Variants in NEGR1 observed in about 807,000 individuals in gnomAD.
NEGR1 encodes the protein IgLON family member 4.
A neutral mutation model predicts 40.9 loss-of-function variants in NEGR1; 10 were observed. The observed-to-expected ratio is 0.24, with a 90% CI of 0.15 to 0.42. NEGR1 has a LOEUF of 0.42. Among genes scored for constraint, NEGR1 ranks in the 10% least tolerant of loss-of-function variants. The probability of loss-of-function intolerance (pLI) is 1.00; values close to 1 mark genes in which losing one functional copy is unlikely to be tolerated. For missense variants in NEGR1, 352 were observed against 438.9 expected (o/e 0.80, Z 1.77); for synonymous variants, 185 against 166.8 (o/e 1.11, Z -0.84).
intron 1 of NEGR1, among the ~76,000 whole-genome samples, chr1:72,103,675 T>C (rs1049735360): frequency 7.9e-5 from 12 of 152,236 alleles, no homozygotes; most frequent in Non-Finnish European, 1.8e-4. Flanking sequence ...TACAATAAGA[T>C]ATGAGAGGAG....
rs1553157750 is a variant in NEGR1, at chr1:71,675,126, T to TGTATATATATATATATATATATATACAC, written c.667+22881_667+22882insGTGTATATATATATATATATATATATAC. ...GCATGTTTATTCATATATATATATA[T>TGTATATATATATATATATATATATACAC]ACACACACACATATGAATTCTTAGA... On this transcript the variant is annotated intron_variant, in intron 4 of 6. Transcript: ENST00000357731. 6.4e-5 allele frequency among the ~76,000 whole-genome samples: 5 copies of TGTATATATATATATATATATATATACAC among 77,830 alleles called. No homozygotes were observed. In the South Asian group the frequency reaches 3.0e-3, roughly 47 times the overall value. 51.1% of individuals were successfully genotyped at this position (77,830 alleles called of 152,430 possible).
At chr1:71,856,630 C>G (rs1269062754) in intron 2 of NEGR1, among the ~76,000 whole-genome samples, 1 of 151,996 alleles carries the variant, frequency 6.6e-6, no homozygotes, top group Non-Finnish European at 1.5e-5. Context: ...AAACAGAATT[C>G]CAGCATTATT....
At chr1:71,481,454 C>A (rs1239250264) in intron 6 of NEGR1, among the ~76,000 whole-genome samples, 3 of 151,870 alleles carry the variant, frequency 2.0e-5, no homozygotes, top group African/African-American at 7.2e-5. Flanking sequence ...AGTATATATA[C>A]GTGTGAATCT....
intron 6 of NEGR1, among the ~76,000 whole-genome samples, chr1:71,437,835 G>A (rs1646519692): frequency 6.6e-6 from 1 of 152,164 alleles, no homozygotes; most frequent in Non-Finnish European, 1.5e-5. Context: ...CAGGCAAGGA[G>A]AGCCCTCCAG....
At position 72,258,700 on chromosome 1, in the gene NEGR1, C is replaced by G. The variant is rs375095883; in HGVS notation, c.176+23619G>C. Among the ~76,000 whole-genome samples, 19 of 151,990 alleles carry G rather than the reference C, an allele frequency of 1.3e-4. No homozygotes were observed. The East Asian group carries it at 1.4e-3, about 11-fold the overall frequency. Reference sequence around the variant, plus strand: ...GTTTTGAAACTCTACCTTAAAAATTCAAAATGATAATGAGTACTGAGAAAT... The same window carrying G: ...GTTTTGAAACTCTACCTTAAAAATTGAAAATGATAATGAGTACTGAGAAAT... On this transcript the variant is annotated intron_variant, in intron 1 of 6. Coordinates refer to ENST00000357731, the MANE Select transcript of NEGR1 (RefSeq NM_173808.3).
intron 6 of NEGR1, among the ~76,000 whole-genome samples, chr1:71,520,508 C>T (rs567495332): frequency 3.9e-5 from 6 of 152,182 alleles, no homozygotes; most frequent in Middle Eastern, 3.4e-3. Context: ...ATGATTCCCA[C>T]TGGCAGGTTA....
intron 4 of NEGR1, among the ~76,000 whole-genome samples, chr1:71,691,240 T>C (rs1653267732): frequency 6.6e-6 from 1 of 151,976 alleles, no homozygotes; most frequent in Admixed American, 6.6e-5. Flanking sequence ...GCATGTTTAA[T>C]AACAGTATTA....
chr1:72,031,704 C>G (rs1049065815), intron 1 of NEGR1, among the ~76,000 whole-genome samples: 2 of 152,164 alleles, frequency 1.3e-5, no homozygotes, highest in Middle Eastern at 3.4e-3. Context: ...CAGAGAGATT[C>G]TAGTACTTGC....
intron 6 of NEGR1, among the ~76,000 whole-genome samples, chr1:71,423,799 A>G (rs17091197): frequency 0.054 from 8,180 of 150,310 alleles, 717 homozygotes; most frequent in African/African-American, 0.19. Flanking sequence ...TGATTATATC[A>G]TTATGACCAA....
rs983257158 is a variant in NEGR1 at position 72,148,776 on chromosome 1, C to T, written c.176+133543G>A. Among the ~76,000 whole-genome samples the T allele has an allele frequency of 4.6e-5, 7 of 152,272 alleles. No individual in the cohort carries two copies. The South Asian group carries it at 6.2e-4, about 14-fold the overall frequency. On this transcript the variant is annotated intron_variant, in intron 1 of 6. Transcript: ENST00000357731. ...AACATAACAACAATCACCTTTGCTC[C>T]GGTTCCCAACAAGTTCCTCAGCTCC...
chr1:72,261,427 T>C (rs886875065), intron 1 of NEGR1, among the ~76,000 whole-genome samples: 5 of 152,096 alleles, frequency 3.3e-5, no homozygotes, highest in South Asian at 4.1e-4. Context: ...AAAGAAATAC[T>C]TCTCAGAAAA....
At chr1:72,143,984 G>A (rs1192930332) in intron 1 of NEGR1, among the ~76,000 whole-genome samples, 1 of 145,490 alleles carries the variant, frequency 6.9e-6, no homozygotes, top group East Asian at 2.0e-4. Flanking sequence ...TTGTAAGAAA[G>A]ACCTGAGATG....
chr1:71,729,888 C>A (rs992290112), intron 3 of NEGR1, among the ~76,000 whole-genome samples: 1 of 150,836 alleles, frequency 6.6e-6, no homozygotes, highest in Admixed American at 6.6e-5. Flanking sequence ...CCATGTTTCC[C>A]AGCCTAGTTG....
intron 3 of NEGR1, among the ~76,000 whole-genome samples, chr1:71,722,472 T>G (rs1654541487): frequency 6.6e-6 from 1 of 152,112 alleles, no homozygotes; most frequent in Admixed American, 6.6e-5. Flanking sequence ...ATGAGCATGC[T>G]TCATATGATA....
chr1:72,168,285 T>C (rs1458824467), intron 1 of NEGR1, among the ~76,000 whole-genome samples: 1 of 152,086 alleles, frequency 6.6e-6, no homozygotes, highest in Admixed American at 6.5e-5. Flanking sequence ...ATTATAGGCA[T>C]GAACCACAAA....
At chr1:71,508,583 C>G (rs1464532904) in intron 6 of NEGR1, among the ~76,000 whole-genome samples, 1 of 152,184 alleles carries the variant, frequency 6.6e-6, no homozygotes, top group Admixed American at 6.5e-5. Context: ...CCTTCCAGGT[C>G]TTACCCTGTG....
At chr1:71,772,122 C>A (rs773664988) in intron 3 of NEGR1, among the ~76,000 whole-genome samples, 1 of 152,034 alleles carries the variant, frequency 6.6e-6, no homozygotes, top group Non-Finnish European at 1.5e-5. Context: ...GAGAAGGATA[C>A]AACTTCACTT....
chr1:71,695,709 T>C (rs1268996561), intron 4 of NEGR1, among the ~76,000 whole-genome samples: 2 of 151,774 alleles, frequency 1.3e-5, no homozygotes, highest in African/African-American at 4.8e-5. Context: ...CATGGGTCTT[T>C]CACATTTCTG....
intron 3 of NEGR1, among the ~76,000 whole-genome samples, chr1:71,756,394 CAAA>C (rs1293104436): frequency 5.1e-5 from 3 of 58,644 alleles, no homozygotes; most frequent in Non-Finnish European, 6.7e-5. Context: ...CTCAAAAAAA[CAAA>C]AAACAAAAAC....
Sources: allele counts gnomAD v4.1 joint callset (sites outside exome capture counted in the v4.1 genomes callset), GRCh38; gene constraint gnomAD v4.1.1; transcripts MANE v1.5; gene names NCBI Gene and HGNC (gene_info 2026-07-23, HGNC 2026-07-21).